The following POLE variants were observed in gnomAD, a reference collection of about 807,000 sequenced individuals.
The protein encoded by POLE is DNA polymerase epsilon catalytic subunit A.
Under a neutral mutation model 279.2 loss-of-function variants are expected in POLE, and 188 were observed. The observed-to-expected ratio is 0.67, with a 90% CI of 0.60 to 0.76. POLE has a LOEUF of 0.76. Among genes scored for constraint, POLE ranks in the 30% least tolerant of loss-of-function variants. The pLI is 0.00. For synonymous variants in POLE, 1,214 were observed against 1,172.5 expected (o/e 1.04, Z -0.72); for missense variants, 2,703 against 3,016.7 (o/e 0.90, Z 2.44).
At chr12:132,637,409 G>T (rs2042055612) in intron 41 of POLE, among the ~76,000 whole-genome samples, 1 of 152,222 alleles carries the variant, frequency 6.6e-6, no homozygotes, top group Non-Finnish European at 1.5e-5. Context: ...GCGCACCTAG[G>T]AGGGAGCTTC....
At position 132,665,311 on chromosome 12, in the gene POLE, A is replaced by G. The variant is rs767460640; in HGVS notation, c.2459T>C (p.Met820Thr). 6.2e-6 allele frequency: 10 copies of G among 1,613,652 alleles called. No individual in the cohort carries two copies. The highest frequency in any genetic ancestry group is 4.0e-5 in the African/African-American group (3 of 74,962). ...GCCCGGGCCCACCTACCCCTTGCGC[A>G]TGACATAGCCATAGAAGGAGTTCAG... The part of the protein sequence containing the change: ...CILNSFYGYV[M>T]RKGARWYSME... Residue 820 changes from methionine to threonine, a missense_variant, in exon 21 of 49, where the codon ATG becomes ACG. Met to Thr is a moderately conservative substitution (Grantham distance 81, BLOSUM62 -1). Around this residue, in one of 5 missense-constraint regions of POLE, gnomAD observed 1,011 missense variants for 1,111.7 expected, o/e 0.91. Transcript: ENST00000320574.
At chr12:132,678,051 G>A (rs2043095899) in intron 6 of POLE, among the ~76,000 whole-genome samples, 1 of 152,120 alleles carries the variant, frequency 6.6e-6, no homozygotes, top group African/African-American at 2.4e-5. Flanking sequence ...GGTGGCGCAT[G>A]TCTGTAACCC....
rs2043049617 is a variant in POLE, at chr12:132,676,270, C to A, written c.910-66G>T. On this transcript the variant is annotated intron_variant, in intron 9 of 48. Transcript: ENST00000320574. ...CAAAGCCAAGAAATGGCGTTCCCAC[C>A]CTGCCCACACACTCTGCCTAGAGAT... is the stretch of plus-strand genomic sequence containing the variant. 7 of 1,028,010 alleles carry A rather than the reference C, an allele frequency of 6.8e-6. No individual in the cohort carries two copies. In the South Asian group the frequency reaches 9.1e-5, roughly 13 times the overall value. The allele number at this position is 1,028,010 out of a possible 1,614,324, so 63.7% of individuals were successfully genotyped here.
chr12:132,642,805 C>A lies in POLE; in HGVS notation c.4728+15G>T. The A allele has an allele frequency of 6.2e-7, 1 of 1,613,834 alleles. No homozygotes were observed. ...GAAGATGGGGCTCACACAGCAAGAC[C>A]CCAACCACTCTCACCTTGTAGGCGA... On this transcript the variant is annotated intron_variant, in intron 36 of 48. Transcript: ENST00000320574.
intron 39 of POLE, chr12:132,641,247 G>GCTC (rs2042134762): frequency 5.4e-6 from 2 of 370,704 alleles, no homozygotes; most frequent in Non-Finnish European, 1.1e-5. Context: ...CAGACTGATG[G>GCTC]CTCCTGACCC....
At position 132,657,121 on chromosome 12, in the gene POLE, G is replaced by A. The variant is rs2138655738; in HGVS notation, c.3582+15C>T. 3 of 1,613,572 alleles carry A rather than the reference G, an allele frequency of 1.9e-6. No homozygotes were observed. The highest frequency in any genetic ancestry group is 2.5e-6 in the Non-Finnish European group (3 of 1,179,796). On this transcript the variant is annotated intron_variant, in intron 29 of 48. Transcript: ENST00000320574. ...AAGGATCCCGCCCAGCCCAGCCTTG[G>A]GGCCCCACCGTCACCTGTCTCCTGC...
Position 132,634,530 on chromosome 12 carries a change from T to A in POLE, c.5812-152A>T. 1 of 768,944 alleles carries A rather than the reference T, an allele frequency of 1.3e-6. No homozygotes were observed. Among genetic ancestry groups the A allele is most frequent in the Non-Finnish European group, 2.1e-6 (1 of 466,718 alleles). 47.6% of individuals were successfully genotyped at this position (768,944 alleles called of 1,614,324 possible). A position where few individuals can be genotyped will look rare whatever the true frequency, so the allele number is the denominator to read the frequency against. Reference sequence around the variant, plus strand: ...GTCAAGGCATCCCCTGGAGCCTGCGTGAATCCCCCAGGGTGGCTCCCAGTA... The same window carrying A: ...GTCAAGGCATCCCCTGGAGCCTGCGAGAATCCCCCAGGGTGGCTCCCAGTA... On this transcript the variant is annotated intron_variant, in intron 42 of 48. Transcript: ENST00000320574. The surrounding 1 kb of genome is among the most constrained non-coding windows in gnomAD (Gnocchi z 4.0).
At chr12:132,657,465 G>A (rs1222036365) in intron 27 of POLE, 36 bp from the exon 28 acceptor site, 16 of 1,588,394 alleles carry the variant, frequency 1.0e-5, no homozygotes, top group Admixed American at 1.7e-5. Flanking sequence ...AGAACAGCAG[G>A]TGGCAGCAGC....
At position 132,680,599 on chromosome 12, in the gene POLE, G is replaced by A. The variant is rs759336582; in HGVS notation, c.285+8C>T. ...GTGGGTTTTAGCTTGTCGCAGTCAG[G>A]GGCTTACCTTAAATCTGCTTCCGTC... On this transcript the variant is annotated splice_region_variant and intron_variant, in intron 3 of 48. Coordinates refer to ENST00000320574, the MANE Select transcript of POLE (RefSeq NM_006231.4). 1.9e-6 allele frequency: 3 copies of A among 1,610,596 alleles called. No homozygotes were observed. Among genetic ancestry groups the A allele is most frequent in the South Asian group, 1.1e-5 (1 of 90,998 alleles).
rs370363095 is a variant in POLE at position 132,632,322 on chromosome 12, A to G, written c.6323T>C (p.Val2108Ala). 3.1e-6 allele frequency: 5 copies of G among 1,613,514 alleles called. No individual in the cohort carries two copies. In the African/African-American group the frequency reaches 6.7e-5, roughly 22 times the overall value. Residue 2108 changes from valine (V) to alanine (A), a missense_variant, in exon 45 of 49, where the codon GTG becomes GCG. Physicochemically the swap from Val to Ala is moderately conservative, Grantham distance 64. Around this residue, in one of 5 missense-constraint regions of POLE, gnomAD observed 1,551 missense variants for 1,686.1 expected, o/e 0.92. Transcript: ENST00000320574. The part of the protein sequence containing the change: ...NNPALEFIKY[V>A]CKVLSLDTNI... ...GCACGCTGGCACTCTCACCTTGCACACGTATTTGATGAACTCCAGGGCAGG... is the reference window on the plus strand; with the variant it reads ...GCACGCTGGCACTCTCACCTTGCACGCGTATTTGATGAACTCCAGGGCAGG...
chr12:132,679,838 C>A, intron 5 of POLE, 116 bp downstream of exon 5: 1 of 974,874 alleles, frequency 1.0e-6, no homozygotes, highest in Non-Finnish European at 1.6e-6. Context: ...AGACGGTCAC[C>A]ACACCGCCCC....
intron 29 of POLE, chr12:132,650,327 A>G: frequency 5.5e-6 from 1 of 181,146 alleles, no homozygotes; most frequent in South Asian, 1.2e-4. Context: ...AACCTTTAAT[A>G]GTGAAGGCCG....
rs534297483 is a variant in POLE at position 132,664,391 on chromosome 12, C to T, written c.2540G>A (p.Arg847Gln). ...TCACCCAATCTGCTCGATCAGCTCC[C>T]GTGCCTGGGTGATGATGTTGGCCCC... is the stretch of plus-strand genomic sequence containing the variant. ...FTGANIITQA[R>Q]ELIEQIGRPL... Residue 847 changes from arginine to glutamine, a missense_variant, in exon 22 of 49, where the codon CGG becomes CAG. Physicochemically the swap from Arg to Gln is conservative, Grantham distance 43. Coordinates refer to ENST00000320574, the MANE Select transcript of POLE (RefSeq NM_006231.4). This position sits in a 1 kb window ranked among gnomAD's most constrained non-coding sequence, Gnocchi z 5.3. 2.4e-5 allele frequency: 38 copies of T among 1,613,942 alleles called. No homozygotes were observed. In the East Asian group the frequency reaches 7.4e-4, roughly 31 times the overall value.
intron 21 of POLE, among the ~76,000 whole-genome samples, 190 bp downstream of exon 21, chr12:132,665,112 C>T (rs1357791166): frequency 6.6e-6 from 1 of 152,096 alleles, no homozygotes; most frequent in African/African-American, 2.4e-5. Context: ...GACACCCAGA[C>T]CCTCAAAGTC....
intron 1 of POLE, among the ~76,000 whole-genome samples, chr12:132,686,364 C>T (rs185457822): frequency 0.013 from 2,045 of 152,168 alleles, 18 homozygotes; most frequent in Non-Finnish European, 0.02. Flanking sequence ...CTCAGGTGAA[C>T]CTCCGGCTCG....
rs376624527 is a variant in POLE, at chr12:132,665,393, G to A, written c.2377C>T (p.Arg793Cys). Residue 793 changes from arginine to cysteine, a missense_variant, in exon 21 of 49, where the codon CGC (arginine) becomes TGC (cysteine). By Grantham distance (180) the Arg-to-Cys change is radical (BLOSUM62 -3). Around this residue, in one of 5 missense-constraint regions of POLE, gnomAD observed 1,011 missense variants for 1,111.7 expected, o/e 0.91. Coordinates refer to ENST00000320574, the MANE Select transcript of POLE (RefSeq NM_006231.4). ...VEVGDAAEVK[R>C]CKNMEVLYDS... ...TACAGCACCTCCATGTTCTTGCAGC[G>A]CTTCACCTCAGCCGCGTCGCCCACC... is the stretch of plus-strand genomic sequence containing the variant. The A allele has an allele frequency of 2.4e-5, 38 of 1,613,632 alleles. No individual in the cohort carries two copies. Among genetic ancestry groups the A allele is most frequent in the Non-Finnish European group, 2.9e-5 (34 of 1,179,982 alleles).
Position 132,624,344 on chromosome 12 carries a change from AGG to A in POLE, c.*351_*352del. On this transcript the variant is annotated 3_prime_UTR_variant, in exon 49 of 49. Coordinates refer to ENST00000320574, the MANE Select transcript of POLE (RefSeq NM_006231.4). ...CCTCTGGGAGGCAGGACAAAGAACT[AGG>A]GGCACCTAGAGGACGCTCCCACCCC... The A allele has an allele frequency of 2.7e-6, 1 of 371,706 alleles. No individual in the cohort carries two copies. The highest frequency in any genetic ancestry group is 5.0e-6 in the Non-Finnish European group (1 of 199,456). 23.0% of individuals were successfully genotyped at this position (371,706 alleles called of 1,614,324 possible).
chr12:132,682,370 G>A (rs2043189439), intron 1 of POLE, among the ~76,000 whole-genome samples: 5 of 151,844 alleles, frequency 3.3e-5, no homozygotes, highest in Admixed American at 3.3e-4. Context: ...TATAATCCCA[G>A]CTACTCAGGA....
chr12:132,652,547 C>G (rs775489897), intron 29 of POLE, among the ~76,000 whole-genome samples: 2 of 152,104 alleles, frequency 1.3e-5, no homozygotes, highest in African/African-American at 4.8e-5. Context: ...TCGTCTGGAA[C>G]TTCTGGGCTC....
Sources: allele counts gnomAD v4.1 joint callset (sites outside exome capture counted in the v4.1 genomes callset), GRCh38; gene constraint gnomAD v4.1.1; regional missense constraint gnomAD v4.1.1; non-coding constraint Gnocchi (gnomAD v3.1); transcripts MANE v1.5; gene names NCBI Gene and HGNC (gene_info 2026-07-23, HGNC 2026-07-21).